The following PTPRU variants were observed in gnomAD, a reference collection of about 807,000 sequenced individuals.
PTPRU encodes protein tyrosine phosphatase receptor type U.
PTPRU carries 69 observed loss-of-function variants against 166.3 expected under a neutral mutation model. The ratio of observed to expected loss-of-function variants is 0.41; its 90% CI spans 0.34 to 0.51. PTPRU has a LOEUF of 0.51. Among genes scored for constraint, PTPRU ranks in the 20% least tolerant of loss-of-function variants. The probability of loss-of-function intolerance (pLI) is 0.09; values close to 1 mark genes in which losing one functional copy is unlikely to be tolerated. For missense variants in PTPRU, 1,657 were observed against 2,013.7 expected (o/e 0.82, Z 3.39); for synonymous variants, 793 against 814.0 (o/e 0.97, Z 0.44).
chr1:29,280,256 G>A lies in PTPRU; in HGVS notation c.1868+115G>A, dbSNP rs947861037. The A allele has an allele frequency of 2.9e-6, 3 of 1,032,472 alleles. No homozygotes were observed. The highest frequency in any genetic ancestry group is 3.1e-5 in the South Asian group (2 of 64,202). The allele number at this position is 1,032,472 out of a possible 1,614,324, so 64.0% of individuals were successfully genotyped here. On this transcript the variant is annotated intron_variant, in intron 11 of 29. Coordinates refer to ENST00000373779, the MANE Select transcript of PTPRU (RefSeq NM_133178.4). The surrounding 1 kb of genome is among the most constrained non-coding windows in gnomAD (Gnocchi z 4.2). The stretch of plus-strand genomic sequence containing the variant: ...CCCTTTTCCTCCCTCAGTCTCCCAC[G>A]CAGGGCTTGGAGTGTCTGGAGGAGA...
Position 29,315,115 on chromosome 1 carries a change from G to A in PTPRU, c.3228-257G>A, listed in dbSNP as rs886242241. 1.3e-5 allele frequency among the ~76,000 whole-genome samples: 2 copies of A among 152,154 alleles called. No individual in the cohort carries two copies. The highest frequency in any genetic ancestry group is 4.8e-5 in the African/African-American group (2 of 41,444). ...TCTTAAGTTGCTAGGTTGAGCCAGT[G>A]TCACCTTTGCATTCTCCCCACCCTC... On this transcript the variant is annotated intron_variant, in intron 22 of 29. Transcript: ENST00000373779. This position sits in a 1 kb window ranked among gnomAD's most constrained non-coding sequence, Gnocchi z 4.5.
rs115797393 is a variant in PTPRU, at chr1:29,309,347, T to G, written c.2821-1397T>G. Among the ~76,000 whole-genome samples the G allele has an allele frequency of 1.6e-3, 241 of 152,240 alleles. 1 individual carries two copies. Among genetic ancestry groups the G allele is most frequent in the Admixed American group, 4.1e-3 (63 of 15,304 alleles). Reference sequence around the variant, plus strand: ...GGGAGATTTATGTCTCAAGAAAGACTGAGAAGCACCTTCTCAGCGCTCAGA... The same window carrying G: ...GGGAGATTTATGTCTCAAGAAAGACGGAGAAGCACCTTCTCAGCGCTCAGA... On this transcript the variant is annotated intron_variant, in intron 18 of 29. Coordinates refer to ENST00000373779, the MANE Select transcript of PTPRU (RefSeq NM_133178.4).
intron 14 of PTPRU, among the ~76,000 whole-genome samples, chr1:29,288,061 C>T (rs375551979): frequency 8.8e-4 from 134 of 152,246 alleles, no homozygotes; most frequent in African/African-American, 3.2e-3. Flanking sequence ...GTGATCCACC[C>T]GCCTCGGCCT....
chr1:29,259,482 TGGAGGTCAACGC>T lies in PTPRU; in HGVS notation c.596_607del (p.Glu199_Ala202del). The T allele has an allele frequency of 6.2e-7, 1 of 1,611,170 alleles. No homozygotes were observed. The highest frequency in any genetic ancestry group is 1.1e-5 in the South Asian group (1 of 90,970). ...CCACACTTCTCCCGCCTGGGCGACGTGGAGGTCAACGCGGGCCAGAACGCGTCGTTCCAGTGC... is the reference window on the plus strand; with the variant it reads ...CCACACTTCTCCCGCCTGGGCGACGTGGGCCAGAACGCGTCGTTCCAGTGC... On this transcript the variant is annotated inframe_deletion, in exon 5 of 30. Transcript: ENST00000373779.
intron 19 of PTPRU, 147 bp downstream of exon 19, chr1:29,310,927 T>C: frequency 2.0e-6 from 2 of 1,023,262 alleles, no homozygotes; most frequent in Non-Finnish European, 3.1e-6. Flanking sequence ...CCCTGCTTGT[T>C]CATCTGCTCC....
chr1:29,252,039 C>T (rs1684565584), intron 1 of PTPRU, among the ~76,000 whole-genome samples: 1 of 152,198 alleles, frequency 6.6e-6, no homozygotes, highest in South Asian at 2.1e-4. Context: ...TTAATACCCA[C>T]CTCCTACAGG....
chr1:29,236,809 G>A lies in PTPRU; in HGVS notation c.73+92G>A. On this transcript the variant is annotated intron_variant, in intron 1 of 29. Transcript: ENST00000373779. The surrounding 1 kb of genome is among the most constrained non-coding windows in gnomAD (Gnocchi z 4.6). Reference sequence around the variant, plus strand: ...GAAAGTGTGAGTGTTGAGTGACCGGGCGTTACGAGCGTGCTCCCTGTGTGT... The same window carrying A: ...GAAAGTGTGAGTGTTGAGTGACCGGACGTTACGAGCGTGCTCCCTGTGTGT... The A allele has an allele frequency of 1.7e-6, 2 of 1,167,308 alleles. No individual in the cohort carries two copies. The highest frequency in any genetic ancestry group is 2.6e-5 in the South Asian group (1 of 39,042). The allele number at this position is 1,167,308 out of a possible 1,614,324, so 72.3% of individuals were successfully genotyped here.
intron 12 of PTPRU, chr1:29,283,669 C>G (rs758362524): frequency 3.1e-4 from 156 of 502,002 alleles, no homozygotes; most frequent in Middle Eastern, 1.6e-3. Flanking sequence ...GGCCTCGCCC[C>G]GATGCCCGAG....
At chr1:29,293,151 T>A (rs1006926192) in intron 15 of PTPRU, among the ~76,000 whole-genome samples, 11 of 152,174 alleles carry the variant, frequency 7.2e-5, no homozygotes, top group Admixed American at 6.5e-5. Flanking sequence ...AGATAATTTT[T>A]GTATTTTTAG....
intron 8 of PTPRU, among the ~76,000 whole-genome samples, chr1:29,276,294 C>T (rs1291554342): frequency 1.3e-5 from 2 of 152,160 alleles, no homozygotes; most frequent in East Asian, 1.9e-4. Flanking sequence ...GCTGGGACTA[C>T]AGGCATGCAC....
At chr1:29,304,445 C>A (rs543924713) in intron 16 of PTPRU, among the ~76,000 whole-genome samples, 3 of 152,176 alleles carry the variant, frequency 2.0e-5, no homozygotes, top group Non-Finnish European at 4.4e-5. Flanking sequence ...TCTGACATCA[C>A]CCTTATCCTA....
At chr1:29,290,037 C>A (rs1399431598) in intron 14 of PTPRU, among the ~76,000 whole-genome samples, 1 of 152,190 alleles carries the variant, frequency 6.6e-6, no homozygotes, top group East Asian at 1.9e-4. Flanking sequence ...GTCTACTGTT[C>A]CTCGTGGTTA....
chr1:29,269,236 ATATATATATATTTTTTTTT>A (rs2151948496), intron 7 of PTPRU, among the ~76,000 whole-genome samples: 1 of 34,472 alleles, frequency 2.9e-5, no homozygotes, highest in African/African-American at 8.0e-5. Context: ...ATATATATAT[ATATATATATATTTTTTTTT>A]TTTTTTTTTT....
chr1:29,267,182 A>G (rs1166807269), intron 7 of PTPRU, among the ~76,000 whole-genome samples: 2 of 152,202 alleles, frequency 1.3e-5, no homozygotes, highest in African/African-American at 4.8e-5. Flanking sequence ...GTGAGCTAAG[A>G]TTTCACACTG....
At chr1:29,281,784 T>C (rs1337121446) in intron 11 of PTPRU, among the ~76,000 whole-genome samples, 1 of 152,160 alleles carries the variant, frequency 6.6e-6, no homozygotes, top group African/African-American at 2.4e-5. Context: ...AAACATCTGG[T>C]GAGCAAGGAA....
intron 8 of PTPRU, among the ~76,000 whole-genome samples, chr1:29,277,645 C>G (rs12035851): frequency 6.6e-6 from 1 of 152,170 alleles, no homozygotes; most frequent in East Asian, 1.9e-4. Flanking sequence ...AAGCACCATT[C>G]TGAATGGTTT....
intron 14 of PTPRU, among the ~76,000 whole-genome samples, chr1:29,285,250 T>A (rs1460985380): frequency 6.6e-6 from 1 of 152,178 alleles, no homozygotes; most frequent in Non-Finnish European, 1.5e-5. Flanking sequence ...TCTGCCCTGC[T>A]TATGGGATTG....
intron 15 of PTPRU, among the ~76,000 whole-genome samples, chr1:29,295,430 C>G (rs1306103534): frequency 1.3e-5 from 2 of 152,148 alleles, no homozygotes; most frequent in Non-Finnish European, 2.9e-5. Flanking sequence ...ATTTATAGAT[C>G]AATTTGGAAG....
intron 1 of PTPRU, among the ~76,000 whole-genome samples, chr1:29,252,582 A>T (rs1424306112): frequency 6.6e-6 from 1 of 151,990 alleles, no homozygotes; most frequent in Non-Finnish European, 1.5e-5. Context: ...TGTGTTTTTC[A>T]TGTGCTACTT....
Sources: allele counts gnomAD v4.1 joint callset (sites outside exome capture counted in the v4.1 genomes callset), GRCh38; gene constraint gnomAD v4.1.1; non-coding constraint Gnocchi (gnomAD v3.1); transcripts MANE v1.5; gene names NCBI Gene and HGNC (gene_info 2026-07-23, HGNC 2026-07-21).